The following WHRN variants were observed in gnomAD, a reference collection of about 807,000 sequenced individuals.
WHRN encodes whirlin, also known as CASK-interacting protein CIP98.
In WHRN, 41 loss-of-function variants were observed where a neutral mutation model predicts 68.3. The observed-to-expected ratio is 0.60, with a 90% CI of 0.47 to 0.78. The LOEUF (loss-of-function observed/expected upper bound fraction) is 0.78, where lower values mean the gene tolerates loss of function less well. Among genes scored for constraint, WHRN ranks in the 30% least tolerant of loss-of-function variants. The pLI is 0.00. For missense variants in WHRN, 1,243 were observed against 1,244.7 expected, an observed-to-expected ratio of 1.00 and a Z score of 0.02; for synonymous variants, 560 against 561.3, an observed-to-expected ratio of 1.00 and a Z score of 0.03.
At chr9:114,413,143 G>C (rs1159095572) in intron 7 of WHRN, among the ~76,000 whole-genome samples, 1 of 152,216 alleles carries the variant, frequency 6.6e-6, no homozygotes, top group Non-Finnish European at 1.5e-5. Flanking sequence ...CTGGATATTC[G>C]CCAGTGGGGG....
chr9:114,453,415 G>A (rs981969003), intron 3 of WHRN, among the ~76,000 whole-genome samples: 1 of 152,182 alleles, frequency 6.6e-6, no homozygotes, highest in African/African-American at 2.4e-5. Context: ...TTCAACATGA[G>A]ATTCGGAGAG....
intron 3 of WHRN, among the ~76,000 whole-genome samples, chr9:114,458,280 G>A (rs1004069323): frequency 2.6e-5 from 4 of 152,106 alleles, no homozygotes; most frequent in Admixed American, 1.3e-4. Flanking sequence ...CGAGTTCTTA[G>A]ATAGTTGCTT....
intron 1 of WHRN, among the ~76,000 whole-genome samples, chr9:114,480,565 C>T (rs11787667): frequency 0.39 from 59,066 of 151,884 alleles, 13,938 homozygotes; most frequent in East Asian, 0.58. Flanking sequence ...CTCACCAGAA[C>T]CCGAGAACAA....
rs57459339 is a variant in WHRN, at chr9:114,467,946, A to G, written c.838-1554T>C. Among the ~76,000 whole-genome samples the G allele has an allele frequency of 4.1e-4, 63 of 152,318 alleles. No individual in the cohort carries two copies. In the East Asian group the frequency reaches 0.011, roughly 26 times the overall value. ...ACATTTCATTAGGGAAAGCCATCCA[A>G]CCAGATTTCTATTTCGGAAGTTATT... On this transcript the variant is annotated intron_variant, in intron 2 of 11. Transcript: ENST00000362057.
At chr9:114,480,000 T>C (rs577974980) in intron 1 of WHRN, among the ~76,000 whole-genome samples, 4 of 151,790 alleles carry the variant, frequency 2.6e-5, no homozygotes, top group Non-Finnish European at 4.4e-5. Flanking sequence ...GAGGTGGAGG[T>C]TGCAGTGAGC....
intron 3 of WHRN, among the ~76,000 whole-genome samples, chr9:114,450,281 C>T (rs1564168279): frequency 6.6e-6 from 1 of 152,314 alleles, no homozygotes; most frequent in Non-Finnish European, 1.5e-5. Flanking sequence ...TGCTGCTCTG[C>T]CACAAGTCCT....
At chr9:114,412,661 C>T (rs2132257268) in intron 7 of WHRN, among the ~76,000 whole-genome samples, 1 of 152,362 alleles carries the variant, frequency 6.6e-6, no homozygotes, top group Non-Finnish European at 1.5e-5. Flanking sequence ...TGTGGCAGTT[C>T]AGCAAATTCC....
chr9:114,421,645 A>T (rs1473808981), intron 7 of WHRN, among the ~76,000 whole-genome samples: 1 of 152,218 alleles, frequency 6.6e-6, no homozygotes, highest in Non-Finnish European at 1.5e-5. Context: ...AGGCCTGAAC[A>T]TTATCAAGGC....
chr9:114,425,133 T>G (rs985354131), intron 4 of WHRN, 109 bp from the exon 5 acceptor site: 49 of 1,142,522 alleles, frequency 4.3e-5, no homozygotes, highest in Non-Finnish European at 6.5e-5. Context: ...AAGAGAACCA[T>G]GCATCGTGGC....
intron 1 of WHRN, among the ~76,000 whole-genome samples, chr9:114,495,047 G>A (rs1843334827): frequency 6.6e-6 from 1 of 152,206 alleles, no homozygotes; most frequent in African/African-American, 2.4e-5. Flanking sequence ...CAGGATAAGT[G>A]GTGTCAACAG....
intron 10 of WHRN, 139 bp from the exon 11 acceptor site, chr9:114,403,478 G>C: frequency 8.8e-7 from 1 of 1,138,200 alleles, no homozygotes. Context: ...GGTGTGCAAC[G>C]CACTAAGCCA....
intron 1 of WHRN, among the ~76,000 whole-genome samples, chr9:114,495,023 G>A (rs1843333054): frequency 6.6e-6 from 1 of 152,202 alleles, no homozygotes; most frequent in African/African-American, 2.4e-5. Flanking sequence ...AGGACGTACT[G>A]AGGTTGCACC....
intron 1 of WHRN, among the ~76,000 whole-genome samples, chr9:114,499,589 T>C (rs2133412161): frequency 6.6e-6 from 1 of 152,332 alleles, no homozygotes; most frequent in Non-Finnish European, 1.5e-5. Flanking sequence ...GGACGCCTGC[T>C]TCGGTGCAAA....
intron 3 of WHRN, among the ~76,000 whole-genome samples, chr9:114,434,159 A>C (rs1837650501): frequency 3.3e-5 from 5 of 152,180 alleles, no homozygotes; most frequent in Admixed American, 3.3e-4. Context: ...TGCCTTGCTT[A>C]GGCCAGCTAC....
intron 3 of WHRN, among the ~76,000 whole-genome samples, chr9:114,435,933 C>T (rs145642674): frequency 1.5e-3 from 235 of 152,298 alleles, no homozygotes; most frequent in African/African-American, 5.5e-3. Flanking sequence ...AATAAAATAT[C>T]CCCTTTTCTT....
chr9:114,418,729 G>T (rs1836012234), intron 7 of WHRN, among the ~76,000 whole-genome samples: 1 of 152,184 alleles, frequency 6.6e-6, no homozygotes, highest in Non-Finnish European at 1.5e-5. Context: ...CCCAGATGTT[G>T]GCATGGCTCT....
chr9:114,411,110 G>T (rs1226390816), intron 7 of WHRN, among the ~76,000 whole-genome samples: 3 of 152,208 alleles, frequency 2.0e-5, no homozygotes, highest in Admixed American at 2.0e-4. Context: ...AGACTGGGAG[G>T]CCTTGCAATC....
intron 3 of WHRN, among the ~76,000 whole-genome samples, chr9:114,429,175 C>T (rs1340768923): frequency 2.0e-5 from 3 of 152,246 alleles, no homozygotes; most frequent in Non-Finnish European, 4.4e-5. Flanking sequence ...AGGCGATCCA[C>T]GCGGCTTGGC....
intron 2 of WHRN, among the ~76,000 whole-genome samples, chr9:114,477,839 C>T (rs1017525367): frequency 2.0e-5 from 3 of 152,212 alleles, no homozygotes; most frequent in Admixed American, 1.3e-4. Context: ...TGTGGAGCAG[C>T]AATCCTGGCC....
Sources: gnomAD v4.1 joint callset for allele counts (sites outside exome capture counted in the v4.1 genomes callset) on GRCh38, gnomAD v4.1.1 for gene constraint, MANE v1.5 for transcripts, NCBI Gene and HGNC (gene_info 2026-07-23, HGNC 2026-07-21) for gene names.